The following HPCAL1 variants were observed in gnomAD, a reference collection of about 807,000 sequenced individuals.
HPCAL1 encodes hippocalcin like 1.
A neutral mutation model predicts 17.1 loss-of-function variants in HPCAL1; 8 were observed. The observed-to-expected ratio is 0.47, with a 90% confidence interval of 0.27 to 0.84. The LOEUF (loss-of-function observed/expected upper bound fraction) is 0.84. Among genes scored for constraint, HPCAL1 ranks in the 40% least tolerant of loss-of-function variants. The pLI is 0.13. For synonymous variants in HPCAL1, 112 were observed against 111.4 expected, an observed-to-expected ratio of 1.01 and a Z score of -0.03; for missense variants, 165 against 271.1, an observed-to-expected ratio of 0.61 and a Z score of 2.75.
chr2:10,374,805 T>C (rs1667446617), intron 1 of HPCAL1, among the ~76,000 whole-genome samples: 2 of 152,232 alleles, frequency 1.3e-5, no homozygotes, highest in Non-Finnish European at 2.9e-5. Context: ...TGTAATCTTA[T>C]CCTTTTTGTT....
intron 1 of HPCAL1, among the ~76,000 whole-genome samples, chr2:10,345,298 G>A (rs1174912611): frequency 1.3e-5 from 2 of 152,078 alleles, no homozygotes; most frequent in African/African-American, 2.4e-5. Flanking sequence ...TGTACTCTGC[G>A]TTTTTGCCAC....
chr2:10,322,366 G>C (rs1663721994), intron 1 of HPCAL1, among the ~76,000 whole-genome samples: 1 of 152,180 alleles, frequency 6.6e-6, no homozygotes, highest in African/African-American at 2.4e-5. Flanking sequence ...ATGAGAAGGT[G>C]ACATCTGAGC....
At chr2:10,398,627 G>A (rs370561931) in intron 2 of HPCAL1, among the ~76,000 whole-genome samples, 11 of 152,124 alleles carry the variant, frequency 7.2e-5, no homozygotes, top group Non-Finnish European at 1.2e-4. Flanking sequence ...GGGCACCAAC[G>A]CACGCACGTG....
At chr2:10,387,696 G>T (rs984444862) in intron 1 of HPCAL1, among the ~76,000 whole-genome samples, 3 of 152,196 alleles carry the variant, frequency 2.0e-5, no homozygotes, top group African/African-American at 7.2e-5. Flanking sequence ...AAGGTGACTT[G>T]TGGTCTGAAC....
chr2:10,351,770 A>G (rs1339590799), intron 1 of HPCAL1, among the ~76,000 whole-genome samples: 1 of 152,040 alleles, frequency 6.6e-6, no homozygotes, highest in Non-Finnish European at 1.5e-5. Flanking sequence ...AATATAAAAC[A>G]AACAAACAAA....
At chr2:10,307,602 C>T (rs1348921501) in intron 1 of HPCAL1, among the ~76,000 whole-genome samples, 2 of 152,064 alleles carry the variant, frequency 1.3e-5, no homozygotes, top group African/African-American at 2.4e-5. Context: ...ATGGTCAACA[C>T]GTCTCATCTA....
At chr2:10,358,771 G>A (rs534283676) in intron 1 of HPCAL1, among the ~76,000 whole-genome samples, 120 of 152,206 alleles carry the variant, frequency 7.9e-4, no homozygotes, top group African/African-American at 2.7e-3. Context: ...TCTGCTGGGT[G>A]AGCTCAATAA....
chr2:10,350,132 C>A (rs781256430), intron 1 of HPCAL1, among the ~76,000 whole-genome samples: 1 of 152,156 alleles, frequency 6.6e-6, no homozygotes, highest in South Asian at 2.1e-4. Flanking sequence ...TACATAAGTA[C>A]TACTGGTATA....
intron 1 of HPCAL1, among the ~76,000 whole-genome samples, chr2:10,335,547 C>T (rs958209880): frequency 3.9e-5 from 6 of 152,180 alleles, no homozygotes; most frequent in African/African-American, 7.2e-5. Context: ...TTGTTGTTTT[C>T]GGCTGCTGAC....
At chr2:10,397,200 C>A (rs566661551) in intron 2 of HPCAL1, among the ~76,000 whole-genome samples, 1 of 151,362 alleles carries the variant, frequency 6.6e-6, no homozygotes, top group South Asian at 2.1e-4. Flanking sequence ...AATCGCGTGA[C>A]CTTCGGTGCT....
chr2:10,338,802 A>G (rs938674918), intron 1 of HPCAL1, among the ~76,000 whole-genome samples: 1 of 152,158 alleles, frequency 6.6e-6, no homozygotes, highest in South Asian at 2.1e-4. Flanking sequence ...CCTCCACTTG[A>G]TAGAGGAAAA....
intron 1 of HPCAL1, among the ~76,000 whole-genome samples, chr2:10,341,771 G>T (rs1665101441): frequency 6.6e-6 from 1 of 152,160 alleles, no homozygotes; most frequent in Non-Finnish European, 1.5e-5. Context: ...AGATGTGACT[G>T]TCTTAAAAGC....
intron 1 of HPCAL1, among the ~76,000 whole-genome samples, chr2:10,340,312 T>A (rs943289436): frequency 1.3e-5 from 2 of 152,224 alleles, no homozygotes. Flanking sequence ...CTTCTTGGTG[T>A]GCAGTGTCTA....
At chr2:10,355,596 G>A (rs539615343) in intron 1 of HPCAL1, among the ~76,000 whole-genome samples, 10 of 151,128 alleles carry the variant, frequency 6.6e-5, no homozygotes, top group East Asian at 3.9e-4. Context: ...AGAGGGTTTC[G>A]TTTTCCTGGA....
intron 1 of HPCAL1, among the ~76,000 whole-genome samples, chr2:10,340,764 C>T (rs76748106): frequency 0.18 from 27,308 of 152,056 alleles, 2,765 homozygotes; most frequent in African/African-American, 0.26. Context: ...TGCAGGGCCC[C>T]GCAGTTCCCC....
rs1668196641 is a variant in HPCAL1, at chr2:10,384,695, TTAGGG to T, written c.-110-12139_-110-12135del. The stretch of plus-strand genomic sequence containing the variant: ...GAAGGAAGAGCAGTTCACTGGGGAG[TTAGGG>T]AGTGTTCTAGGCAGAGTAAACAGTG... On this transcript the variant is annotated intron_variant, in intron 1 of 4. Transcript: ENST00000307845. This position sits in a 1 kb window ranked among gnomAD's most constrained non-coding sequence, Gnocchi z 4.4. Among the ~76,000 whole-genome samples the T allele has an allele frequency of 6.6e-6, 1 of 151,422 alleles. No homozygotes were observed. Among genetic ancestry groups the T allele is most frequent in the Non-Finnish European group, 1.5e-5 (1 of 67,840 alleles).
At chr2:10,368,325 TGTGTGTGCA>T (rs1666992271) in intron 1 of HPCAL1, among the ~76,000 whole-genome samples, 1 of 151,620 alleles carries the variant, frequency 6.6e-6, no homozygotes, top group South Asian at 2.1e-4. Flanking sequence ...CACGTGTGGG[TGTGTGTGCA>T]GTGTGTGTAG....
intron 1 of HPCAL1, among the ~76,000 whole-genome samples, chr2:10,349,282 T>C (rs1365312114): frequency 6.6e-6 from 1 of 152,114 alleles, no homozygotes; most frequent in East Asian, 1.9e-4. Context: ...AGACAAAAAA[T>C]AATATTTTGT....
intron 1 of HPCAL1, among the ~76,000 whole-genome samples, chr2:10,322,781 CCTTGG>C (rs1394359774): frequency 2.0e-5 from 3 of 152,196 alleles, no homozygotes; most frequent in African/African-American, 7.2e-5. Flanking sequence ...ACCGCCTGAA[CCTTGG>C]ATCTCCTGCA....
Sources: gnomAD v4.1 joint callset for allele counts (sites outside exome capture counted in the v4.1 genomes callset) on GRCh38, gnomAD v4.1.1 for gene constraint, Gnocchi (gnomAD v3.1) non-coding constraint, MANE v1.5 for transcripts, NCBI Gene and HGNC (gene_info 2026-07-23, HGNC 2026-07-21) for gene names.